SDK1: variants seen among roughly 807,000 people sequenced by gnomAD.
SDK1 encodes protein sidekick-1.
In SDK1, 157 loss-of-function variants were observed where a neutral mutation model predicts 245.5. The ratio of observed to expected loss-of-function variants is 0.64; its 90% confidence interval spans 0.56 to 0.73. SDK1 has a LOEUF of 0.73. Among genes scored for constraint, SDK1 ranks in the 30% least tolerant of loss-of-function variants. The pLI, the probability that SDK1 is intolerant of heterozygous loss-of-function variation, is 0.00. For synonymous variants in SDK1, 1,647 were observed against 1,278.5 expected (o/e 1.29, Z -6.15); for missense variants, 3,583 against 3,002.3 (o/e 1.19, Z -4.52).
chr7:4,192,672 T>C lies in SDK1; in HGVS notation c.5099-13207T>C, dbSNP rs559068354. On this transcript the variant is annotated intron_variant, in intron 35 of 44. Transcript: ENST00000404826. ...GTATCGTAGAAGCATAGCTTTTATA[T>C]GCACTGGGAAGTCAAAACATGTACG... Among the ~76,000 whole-genome samples, 8 of 152,284 alleles carry C rather than the reference T, an allele frequency of 5.3e-5. No homozygotes were observed. In the South Asian group the frequency reaches 1.7e-3, roughly 32 times the overall value.
intron 20 of SDK1, among the ~76,000 whole-genome samples, chr7:4,074,884 C>CTCTCTCTCTCTCTCTCTGTGTG: frequency 1.6e-5 from 1 of 62,458 alleles, no homozygotes; most frequent in African/African-American, 1.2e-4. Flanking sequence ...CTCTCTCTCT[C>CTCTCTCTCTCTCTCTCTGTGTG]TGTATATATA....
intron 1 of SDK1, among the ~76,000 whole-genome samples, chr7:3,330,162 C>T (rs1011311265): frequency 2.0e-5 from 3 of 152,054 alleles, no homozygotes; most frequent in Non-Finnish European, 4.4e-5. Context: ...CTGGCACATA[C>T]TGATTTCATG....
chr7:3,912,082 G>T (rs577398343), intron 5 of SDK1, among the ~76,000 whole-genome samples: 10 of 152,298 alleles, frequency 6.6e-5, no homozygotes, highest in Middle Eastern at 3.4e-3. Flanking sequence ...GGAAGTCTGG[G>T]AAACAAACCA....
intron 28 of SDK1, among the ~76,000 whole-genome samples, chr7:4,144,094 C>T (rs1008631675): frequency 2.0e-5 from 3 of 151,002 alleles, no homozygotes; most frequent in Non-Finnish European, 4.4e-5. Flanking sequence ...AGAGCTGGCC[C>T]TCTCCCTACT....
chr7:3,980,044 C>A (rs529633185), intron 13 of SDK1, among the ~76,000 whole-genome samples: 1 of 152,212 alleles, frequency 6.6e-6, no homozygotes, highest in African/African-American at 2.4e-5. Flanking sequence ...ATACTGTTTC[C>A]CCCAGAGTTA....
At chr7:4,050,999 TTATA>T (rs1166594913) in intron 18 of SDK1, among the ~76,000 whole-genome samples, 1 of 142,368 alleles carries the variant, frequency 7.0e-6, no homozygotes, top group Non-Finnish European at 1.5e-5. Context: ...GTTATATATG[TTATA>T]TATAGTATAC....
chr7:3,923,823 G>A (rs1328642030), intron 5 of SDK1, among the ~76,000 whole-genome samples: 1 of 152,206 alleles, frequency 6.6e-6, no homozygotes, highest in South Asian at 2.1e-4. Context: ...TGACCTCTGT[G>A]GAGTTTGCAG....
At chr7:4,122,705 A>G (rs1052235962) in intron 25 of SDK1, among the ~76,000 whole-genome samples, 2 of 152,126 alleles carry the variant, frequency 1.3e-5, no homozygotes, top group African/African-American at 2.4e-5. Context: ...GAGGGGAGAG[A>G]AAAAAATGAA....
At chr7:4,221,846 C>T (rs545235170) in intron 40 of SDK1, among the ~76,000 whole-genome samples, 263 of 152,276 alleles carry the variant, frequency 1.7e-3, no homozygotes, top group Non-Finnish European at 2.4e-3. Flanking sequence ...GTCTAAGATC[C>T]ATTTCCAGCC....
At chr7:3,416,242 A>G (rs905268751) in intron 1 of SDK1, among the ~76,000 whole-genome samples, 2 of 152,128 alleles carry the variant, frequency 1.3e-5, no homozygotes, top group African/African-American at 2.4e-5. Flanking sequence ...GATGTCTGTG[A>G]TCAGATTAGG....
chr7:3,518,295 G>A (rs1234118520), intron 1 of SDK1, among the ~76,000 whole-genome samples: 1 of 151,914 alleles, frequency 6.6e-6, no homozygotes, highest in Non-Finnish European at 1.5e-5. Context: ...ATAATTTTAT[G>A]AATAATATCT....
At chr7:3,567,182 A>G (rs533988469) in intron 1 of SDK1, among the ~76,000 whole-genome samples, 2 of 152,206 alleles carry the variant, frequency 1.3e-5, no homozygotes, top group South Asian at 2.1e-4. Context: ...GGATTTGGTC[A>G]CTTTTCGTGT....
At position 4,026,274 on chromosome 7, in the gene SDK1, G is replaced by A. The variant is rs569113333; in HGVS notation, c.2602+8922G>A. 5.3e-5 allele frequency among the ~76,000 whole-genome samples: 8 copies of A among 152,378 alleles called. No homozygotes were observed. In the South Asian group the frequency reaches 8.3e-4, roughly 16 times the overall value. On this transcript the variant is annotated intron_variant, in intron 17 of 44. Transcript: ENST00000404826. The surrounding 1 kb of genome is among the most constrained non-coding windows in gnomAD (Gnocchi z 4.1). The stretch of plus-strand genomic sequence containing the variant: ...GGGGGTCGGGAGAGGAAGAGGAAGA[G>A]ACACCAAGTCGGCAGGAGCCCAAGC...
At chr7:4,011,556 C>G (rs1003557954) in intron 15 of SDK1, among the ~76,000 whole-genome samples, 1 of 152,218 alleles carries the variant, frequency 6.6e-6, no homozygotes, top group African/African-American at 2.4e-5. Context: ...TTCACGCTCT[C>G]CCATCCCTGC....
At chr7:3,984,564 G>T (rs1413669995) in intron 13 of SDK1, among the ~76,000 whole-genome samples, 1 of 152,178 alleles carries the variant, frequency 6.6e-6, no homozygotes, top group Non-Finnish European at 1.5e-5. Flanking sequence ...TCTCCCAGGA[G>T]CCTGTTCACA....
At chr7:4,099,244 G>A (rs1367433465) in intron 22 of SDK1, among the ~76,000 whole-genome samples, 1 of 151,026 alleles carries the variant, frequency 6.6e-6, no homozygotes, top group South Asian at 2.1e-4. Flanking sequence ...ATTTTTATTC[G>A]GGAACGGTGA....
At chr7:3,764,293 C>T (rs1255921304) in intron 4 of SDK1, among the ~76,000 whole-genome samples, 1 of 152,084 alleles carries the variant, frequency 6.6e-6, no homozygotes, top group African/African-American at 2.4e-5. Context: ...TGATCTAAGG[C>T]GGTATTCTCC....
chr7:3,554,846 C>CA (rs552769602), intron 1 of SDK1, among the ~76,000 whole-genome samples: 17 of 151,950 alleles, frequency 1.1e-4, no homozygotes, highest in Admixed American at 9.2e-4. Context: ...ACAATAGCTA[C>CA]AAAAAAATAC....
chr7:3,672,764 T>TATACATATATATATATATAC (rs1282047721), intron 4 of SDK1, among the ~76,000 whole-genome samples: 3 of 68,862 alleles, frequency 4.4e-5, no homozygotes, highest in Non-Finnish European at 8.3e-5. Context: ...TAATTTTATA[T>TATACATATATATATATATAC]ATATATATAT....
Sources: allele counts gnomAD v4.1 joint callset (sites outside exome capture counted in the v4.1 genomes callset), GRCh38; gene constraint gnomAD v4.1.1; non-coding constraint Gnocchi (gnomAD v3.1); transcripts MANE v1.5; gene names NCBI Gene and HGNC (gene_info 2026-07-23, HGNC 2026-07-21).